NLRP3: variants seen among roughly 807,000 people sequenced by gnomAD.
NLRP3 encodes the protein NLR family pyrin domain containing 3, also known as NACHT, LRR and PYD domains-containing protein 3.
Under a neutral mutation model 91.3 loss-of-function variants are expected in NLRP3, and 48 were observed. The ratio of observed to expected loss-of-function variants is 0.53; its 90% CI spans 0.42 to 0.67. The LOEUF (loss-of-function observed/expected upper bound fraction) is 0.67, where lower values mean the gene tolerates loss of function less well. NLRP3 is among the 30% of genes least tolerant of loss of function. NLRP3 has a pLI of 0.00. For synonymous variants in NLRP3, 561 were observed against 507.9 expected (o/e 1.10, Z -1.41); for missense variants, 982 against 1,276.9 (o/e 0.77, Z 3.52).
intron 5 of NLRP3, among the ~76,000 whole-genome samples, chr1:247,430,025 C>G (rs1663192984): frequency 6.6e-6 from 1 of 152,092 alleles, no homozygotes; most frequent in Non-Finnish European, 1.5e-5. Flanking sequence ...CAGGCACCCA[C>G]CACCATACCC....
rs750708367 is a variant in NLRP3 at position 247,425,147 on chromosome 1, C to T, written c.1698C>T (p.Phe566=). ...VTVLLENYGK[F]EKGYLIFVVR... is the part of the protein sequence containing the mutation. Reference sequence around the variant, plus strand: ...TCCTTCTGGAAAACTATGGCAAATTCGAAAAGGGGTATTTGATTTTTGTTG... The same window carrying T: ...TCCTTCTGGAAAACTATGGCAAATTTGAAAAGGGGTATTTGATTTTTGTTG... The change falls in exon 4 of 10, where the codon TTC becomes TTT. Residue 566 remains phenylalanine (F), a synonymous_variant. Transcript: ENST00000336119. The surrounding 1 kb of genome is among the most constrained non-coding windows in gnomAD (Gnocchi z 4.1). 9.9e-6 allele frequency: 16 copies of T among 1,613,514 alleles called. No homozygotes were observed. Among genetic ancestry groups the T allele is most frequent in the East Asian group, 8.9e-5 (4 of 44,838 alleles).
intron 5 of NLRP3, among the ~76,000 whole-genome samples, chr1:247,433,498 C>T (rs1397651312): frequency 6.6e-5 from 10 of 152,184 alleles, no homozygotes; most frequent in African/African-American, 1.9e-4. Context: ...GCACTGTTTA[C>T]GGCCGGGAGT....
At chr1:247,427,051 C>T (rs77363446) in intron 4 of NLRP3, among the ~76,000 whole-genome samples, 3,220 of 152,286 alleles carry the variant, frequency 0.021, 118 homozygotes, top group African/African-American at 0.074. Flanking sequence ...AAGGAAGGTT[C>T]ACCTTACGGT....
intron 4 of NLRP3, among the ~76,000 whole-genome samples, chr1:247,427,484 G>A (rs1283878541): frequency 6.6e-6 from 1 of 152,266 alleles, no homozygotes; most frequent in Non-Finnish European, 1.5e-5. Context: ...GCCCCGGTAG[G>A]AGGCTCAGCA....
In NLRP3 at chr1:247,444,071, T is replaced by C; in HGVS notation, c.2763T>C (p.Thr921=). The C allele has an allele frequency of 6.2e-7, 1 of 1,614,110 alleles. No individual in the cohort carries two copies. The highest frequency in any genetic ancestry group is 8.5e-7 in the Non-Finnish European group (1 of 1,180,016). ...CGCACCTTTACCTGCGAGGCAACAC[T>C]CTCGGAGACAAGGGGATCAAACTAC... The part of the protein sequence containing the change: ...NLTHLYLRGN[T]LGDKGIKLLC... The change falls in exon 8 of 10, where the codon ACT becomes ACC. Residue 921 remains threonine (T), a synonymous_variant. Coordinates refer to ENST00000336119, the MANE Select transcript of NLRP3 (RefSeq NM_001243133.2).
At chr1:247,436,458 G>A (rs1024081584) in intron 7 of NLRP3, among the ~76,000 whole-genome samples, 5 of 152,210 alleles carry the variant, frequency 3.3e-5, no homozygotes, top group Admixed American at 3.3e-4. Flanking sequence ...TTTTATGTGT[G>A]CATGCTTGCA....
chr1:247,438,378 GTTTTTTT>G (rs74163772), intron 7 of NLRP3, among the ~76,000 whole-genome samples: 6 of 71,916 alleles, frequency 8.3e-5, no homozygotes, highest in Non-Finnish European at 1.6e-4. Flanking sequence ...GTTTAGTTGT[GTTTTTTT>G]TTTTTTTTTT....
At chr1:247,419,612 T>G (rs560665101) in intron 2 of NLRP3, among the ~76,000 whole-genome samples, 1 of 152,368 alleles carries the variant, frequency 6.6e-6, no homozygotes, top group East Asian at 1.9e-4. Flanking sequence ...ACCACCATTC[T>G]ATTTGCCATC....
In NLRP3 at chr1:247,444,840, G is replaced by A. The variant is rs1664486759; in HGVS notation, c.3005+19G>A. 5.6e-6 allele frequency: 9 copies of A among 1,612,774 alleles called. No individual in the cohort carries two copies. The highest frequency in any genetic ancestry group is 6.8e-6 in the Non-Finnish European group (8 of 1,179,524). ...ACCTGGGGTGAGTGTGCTCTGCAGAGATGCCCGTGGTGGGACTCTGAGTTC... is the reference window on the plus strand; with the variant it reads ...ACCTGGGGTGAGTGTGCTCTGCAGAAATGCCCGTGGTGGGACTCTGAGTTC... On this transcript the variant is annotated intron_variant, in intron 9 of 9. Coordinates refer to ENST00000336119, the MANE Select transcript of NLRP3 (RefSeq NM_001243133.2).
intron 5 of NLRP3, among the ~76,000 whole-genome samples, chr1:247,433,026 T>A (rs983422110): frequency 6.6e-5 from 10 of 151,318 alleles, no homozygotes; most frequent in African/African-American, 2.4e-4. Context: ...AAGATAATAA[T>A]AATAATAAAA....
intron 9 of NLRP3, among the ~76,000 whole-genome samples, chr1:247,448,173 C>A (rs567134968): frequency 1.5e-4 from 23 of 151,694 alleles, no homozygotes; most frequent in African/African-American, 4.6e-4. Flanking sequence ...TTGGCCCAGG[C>A]ATTCTTGAAG....
In NLRP3 at chr1:247,418,908, C is replaced by T. The variant is rs1157924698; in HGVS notation, c.108C>T (p.Cys36=). The part of the protein sequence containing the change: ...HLEDYPPQKG[C]IPLPRGQTEK... ...AGGACTATCCTCCCCAGAAGGGCTGCATCCCCCTCCCGAGGGGTCAGACAG... is the reference window on the plus strand; with the variant it reads ...AGGACTATCCTCCCCAGAAGGGCTGTATCCCCCTCCCGAGGGGTCAGACAG... Residue 36 remains cysteine, a synonymous_variant, in exon 2 of 10, where the codon TGC becomes TGT. Coordinates refer to ENST00000336119, the MANE Select transcript of NLRP3 (RefSeq NM_001243133.2). 1 of 1,614,032 alleles carries T rather than the reference C, an allele frequency of 6.2e-7. No homozygotes were observed. The highest frequency in any genetic ancestry group is 1.7e-5 in the Admixed American group (1 of 59,998).
rs200929917 is a variant in NLRP3, at chr1:247,429,645, C to A, written c.2211C>A (p.Thr737=). Residue 737 remains threonine, a synonymous_variant, in exon 5 of 10, where the codon ACC becomes ACA. Transcript: ENST00000336119. Reference sequence around the variant, plus strand: ...GGGGCCTCTTTTCAGTTCTGAGCACCAGCCAGAGTCTAACTGAATTGGACC... The same window carrying A: ...GGGGCCTCTTTTCAGTTCTGAGCACAAGCCAGAGTCTAACTGAATTGGACC... The part of the protein sequence containing the change: ...FCRGLFSVLS[T]SQSLTELDLS... 1.2e-6 allele frequency: 2 copies of A among 1,614,034 alleles called. No individual in the cohort carries two copies. Among genetic ancestry groups the A allele is most frequent in the Non-Finnish European group, 8.5e-7 (1 of 1,180,026 alleles).
chr1:247,438,090 G>A (rs1024778457), intron 7 of NLRP3, among the ~76,000 whole-genome samples: 7 of 152,244 alleles, frequency 4.6e-5, no homozygotes, highest in African/African-American at 7.2e-5. Flanking sequence ...CAAACAGAGC[G>A]GCCTAAACAA....
At chr1:247,429,185 G>A (rs1051156131) in intron 4 of NLRP3, among the ~76,000 whole-genome samples, 6 of 152,136 alleles carry the variant, frequency 3.9e-5, no homozygotes, top group Non-Finnish European at 8.8e-5. Flanking sequence ...GAGCCACCAT[G>A]CCCAGCCTGG....
intron 4 of NLRP3, among the ~76,000 whole-genome samples, chr1:247,426,687 G>T (rs2103118597): frequency 6.6e-6 from 1 of 152,360 alleles, no homozygotes; most frequent in African/African-American, 2.4e-5. Flanking sequence ...GGGACTTGAG[G>T]TCTGGCTGTG....
At chr1:247,428,220 G>T (rs1293066320) in intron 4 of NLRP3, among the ~76,000 whole-genome samples, 1 of 151,360 alleles carries the variant, frequency 6.6e-6, no homozygotes, top group Non-Finnish European at 1.5e-5. Flanking sequence ...AGGGGGCTCA[G>T]CACCCATCCC....
In NLRP3 at chr1:247,448,594, A is replaced by T; in HGVS notation, c.*90A>T. 1.2e-6 allele frequency: 1 copy of T among 811,236 alleles called. No homozygotes were observed. Among genetic ancestry groups the T allele is most frequent in the Non-Finnish European group, 2.2e-6 (1 of 452,254 alleles). The allele number at this position is 811,236 out of a possible 1,614,324, so 50.3% of individuals were successfully genotyped here. ...GAGAGAGCTGCGATCCATCCAGGCCAAGACCACAGCTCTGTGATCCTTCCG... is the reference window on the plus strand; with the variant it reads ...GAGAGAGCTGCGATCCATCCAGGCCTAGACCACAGCTCTGTGATCCTTCCG... On this transcript the variant is annotated 3_prime_UTR_variant, in exon 10 of 10. Coordinates refer to ENST00000336119, the MANE Select transcript of NLRP3 (RefSeq NM_001243133.2).
chr1:247,443,962 CCTT>C lies in NLRP3; in HGVS notation c.2664-7_2664-5del. On this transcript the variant is annotated splice_region_variant and splice_polypyrimidine_tract_variant and intron_variant, in intron 7 of 9. Transcript: ENST00000336119. ...GGGTACTGAGGACTCTTCTCCCTGT[CCTT>C]CTACAGGTTGGTGAATTCTGGCCTT... 1.2e-6 allele frequency: 2 copies of C among 1,613,876 alleles called. No homozygotes were observed. Among genetic ancestry groups the C allele is most frequent in the Non-Finnish European group, 1.7e-6 (2 of 1,179,860 alleles).
Sources: allele counts gnomAD v4.1 joint callset (sites outside exome capture counted in the v4.1 genomes callset), GRCh38; gene constraint gnomAD v4.1.1; non-coding constraint Gnocchi (gnomAD v3.1); transcripts MANE v1.5; gene names NCBI Gene and HGNC (gene_info 2026-07-23, HGNC 2026-07-21).